The following MEMO1 variants were observed in gnomAD, a reference collection of about 807,000 sequenced individuals.
MEMO1 encodes protein MEMO1.
A neutral mutation model predicts 45.2 loss-of-function variants in MEMO1; 6 were observed. That is an observed-to-expected ratio of 0.13 (90% CI 0.07 to 0.26). MEMO1 has a LOEUF of 0.26. Ranked by LOEUF, MEMO1 falls within the 10% of genes least tolerant of loss-of-function variation. MEMO1 has a pLI of 1.00. For synonymous variants in MEMO1, 78 were observed against 124.3 expected, an observed-to-expected ratio of 0.63 and a Z score of 2.48; for missense variants, 184 against 370.5, an observed-to-expected ratio of 0.50 and a Z score of 4.13.
chr2:31,932,474 T>C (rs1000453709), intron 3 of MEMO1, among the ~76,000 whole-genome samples: 4 of 152,020 alleles, frequency 2.6e-5, no homozygotes, highest in Non-Finnish European at 4.4e-5. Context: ...AGTCTCACTT[T>C]GTCACCTAGG....
At chr2:31,942,543 G>A (rs1185476296) in intron 3 of MEMO1, among the ~76,000 whole-genome samples, 2 of 151,428 alleles carry the variant, frequency 1.3e-5, no homozygotes, top group African/African-American at 2.4e-5. Flanking sequence ...GGGCCTCACT[G>A]TCACCCAGGC....
At chr2:31,896,793 T>C (rs1677890402) in intron 6 of MEMO1, among the ~76,000 whole-genome samples, 1 of 152,198 alleles carries the variant, frequency 6.6e-6, no homozygotes, top group Admixed American at 6.5e-5. Flanking sequence ...ATAAATACTC[T>C]TATAACTCAA....
rs70964741 is a variant in MEMO1, at chr2:31,925,475, C to CAAAA, written c.213-4569_213-4566dup. Among the ~76,000 whole-genome samples, 103 of 79,208 alleles carry CAAAA rather than the reference C, an allele frequency of 1.3e-3. 2 individuals carry two copies. The highest frequency in any genetic ancestry group is 5.5e-3 in the African/African-American group (78 of 14,284). The allele number at this position is 79,208 out of a possible 152,430, so 52.0% of individuals were successfully genotyped here. A position where few individuals can be genotyped will look rare whatever the true frequency, so the allele number is the denominator to read the frequency against. On this transcript the variant is annotated intron_variant, in intron 4 of 9. Coordinates refer to ENST00000404530, the MANE Select transcript of MEMO1 (RefSeq NM_001301833.4). ...TGGGGGACAGAGCAAGACTCCGTCT[C>CAAAA]AAAAAAAAAAAAAAAAAAAAAAAAT...
intron 6 of MEMO1, among the ~76,000 whole-genome samples, chr2:31,912,550 A>C: frequency 6.6e-6 from 1 of 151,780 alleles, no homozygotes; most frequent in East Asian, 1.9e-4. Flanking sequence ...TAATAGTAAA[A>C]TTTATTATGC....
intron 2 of MEMO1, among the ~76,000 whole-genome samples, chr2:31,956,679 A>G (rs1667449837): frequency 6.6e-6 from 1 of 152,242 alleles, no homozygotes; most frequent in African/African-American, 2.4e-5. Flanking sequence ...CAACCGGAAA[A>G]CAATGAAGCA....
At chr2:31,884,468 T>C (rs990665060) in intron 7 of MEMO1, among the ~76,000 whole-genome samples, 1 of 152,194 alleles carries the variant, frequency 6.6e-6, no homozygotes, top group Non-Finnish European at 1.5e-5. Flanking sequence ...GCAATGTTGA[T>C]ATATCCAGTT....
At chr2:31,978,782 T>C (rs1051312231) in intron 2 of MEMO1, among the ~76,000 whole-genome samples, 1 of 152,238 alleles carries the variant, frequency 6.6e-6, no homozygotes, top group African/African-American at 2.4e-5. Context: ...TTTGTCTCCT[T>C]GTTATTCAGT....
chr2:31,875,553 G>C (rs1674432014), intron 8 of MEMO1, among the ~76,000 whole-genome samples: 1 of 152,036 alleles, frequency 6.6e-6, no homozygotes, highest in South Asian at 2.1e-4. Context: ...CATTAGCAAA[G>C]TCCTTTTGAC....
intron 2 of MEMO1, among the ~76,000 whole-genome samples, chr2:31,990,220 G>A (rs752389022): frequency 1.3e-5 from 2 of 152,174 alleles, no homozygotes; most frequent in African/African-American, 2.4e-5. Flanking sequence ...AACACTGAAT[G>A]CAGTAGCAGA....
At position 31,897,585 on chromosome 2, in the gene MEMO1, T is replaced by C. The variant is rs115361799; in HGVS notation, c.438-5451A>G. Among the ~76,000 whole-genome samples the C allele has an allele frequency of 6.5e-3, 996 of 152,352 alleles. 12 individuals are homozygous for C. The highest frequency in any genetic ancestry group is 0.022 in the African/African-American group (915 of 41,582). ...ATGAAGCCAAATTGATCTTGATGGA[T>C]ATGCGTTTTGATGTGCTGCTGGATT... On this transcript the variant is annotated intron_variant, in intron 6 of 9. Coordinates refer to ENST00000404530, the MANE Select transcript of MEMO1 (RefSeq NM_001301833.4).
chr2:31,881,634 G>T (rs1675390381), intron 8 of MEMO1, among the ~76,000 whole-genome samples: 1 of 151,770 alleles, frequency 6.6e-6, no homozygotes, highest in Non-Finnish European at 1.5e-5. Context: ...ATTTGCATCT[G>T]TAAAAATAAT....
chr2:31,961,567 A>G (rs1277712324), intron 2 of MEMO1, among the ~76,000 whole-genome samples: 3 of 152,036 alleles, frequency 2.0e-5, no homozygotes, highest in African/African-American at 7.2e-5. Context: ...TTTCAAGACC[A>G]GCCTGGGCAA....
chr2:31,905,807 C>A (rs375632067), intron 6 of MEMO1, among the ~76,000 whole-genome samples: 1 of 152,064 alleles, frequency 6.6e-6, no homozygotes, highest in East Asian at 1.9e-4. Flanking sequence ...ATGATTCTAA[C>A]CCTTAAACAT....
intron 6 of MEMO1, among the ~76,000 whole-genome samples, chr2:31,910,822 C>T (rs1028298163): frequency 6.6e-6 from 1 of 151,514 alleles, no homozygotes; most frequent in African/African-American, 2.4e-5. Context: ...ATTGTGCACC[C>T]CTGCACTCCA....
chr2:31,925,260 G>A (rs1387808591), intron 4 of MEMO1, among the ~76,000 whole-genome samples: 5 of 151,964 alleles, frequency 3.3e-5, no homozygotes, highest in African/African-American at 1.2e-4. Context: ...GGCGGATCAC[G>A]AGGTCAGGAG....
chr2:31,883,307 CAT>C, intron 8 of MEMO1, 77 bp downstream of exon 8: 1 of 962,860 alleles, frequency 1.0e-6, no homozygotes, highest in Non-Finnish European at 1.6e-6. Context: ...ATTATTTCAA[CAT>C]GTTAAGTCTT....
At chr2:31,896,400 T>C (rs1383184094) in intron 6 of MEMO1, among the ~76,000 whole-genome samples, 2 of 152,180 alleles carry the variant, frequency 1.3e-5, no homozygotes, top group African/African-American at 4.8e-5. Context: ...TATTTCAAGT[T>C]TTCTGGGCAG....
intron 4 of MEMO1, among the ~76,000 whole-genome samples, chr2:31,931,262 C>A (rs1030784711): frequency 3.3e-5 from 5 of 152,150 alleles, no homozygotes; most frequent in African/African-American, 1.2e-4. Flanking sequence ...GTGGTCTGTG[C>A]ATGATTTTCT....
At chr2:32,004,691 G>A (rs1230733287) in intron 2 of MEMO1, among the ~76,000 whole-genome samples, 1 of 151,876 alleles carries the variant, frequency 6.6e-6, no homozygotes, top group Non-Finnish European at 1.5e-5. Flanking sequence ...GGGAGGCTGA[G>A]GGAGGGGCAC....
Sources: allele counts gnomAD v4.1 joint callset (sites outside exome capture counted in the v4.1 genomes callset), GRCh38; gene constraint gnomAD v4.1.1; transcripts MANE v1.5; gene names NCBI Gene and HGNC (gene_info 2026-07-23, HGNC 2026-07-21).